KANSL1: variants seen among roughly 807,000 people sequenced by gnomAD.
KANSL1 encodes the protein KAT8 regulatory NSL complex subunit 1.
A neutral mutation model predicts 103.6 loss-of-function variants in KANSL1; 22 were observed. The observed-to-expected ratio is 0.21, with a 90% confidence interval of 0.15 to 0.30. The LOEUF (loss-of-function observed/expected upper bound fraction) is 0.30, where lower values mean the gene tolerates loss of function less well. Among genes scored for constraint, KANSL1 ranks in the 10% least tolerant of loss-of-function variants. The probability of loss-of-function intolerance (pLI) is 1.00; values close to 1 mark genes in which losing one functional copy is unlikely to be tolerated. For synonymous variants in KANSL1, 600 were observed against 527.6 expected (o/e 1.14, Z -1.88); for missense variants, 1,337 against 1,399.8 (o/e 0.96, Z 0.72).
At chr17:46,092,733 G>GGGGGT (rs2079455533) in intron 3 of KANSL1, 2 of 53,836 alleles carry the variant, frequency 3.7e-5, no homozygotes, top group Non-Finnish European at 7.0e-5. Flanking sequence ...GGGGGGGAGG[G>GGGGGT]TGGGTGTCTT....
intron 1 of KANSL1, among the ~76,000 whole-genome samples, chr17:46,211,388 C>T (rs185002862): frequency 6.6e-6 from 1 of 152,178 alleles, no homozygotes; most frequent in African/African-American, 2.4e-5. Context: ...AGCTGATGAG[C>T]TAAAAAAGAA....
intron 1 of KANSL1, among the ~76,000 whole-genome samples, chr17:46,185,574 T>C (rs1294553765): frequency 1.3e-5 from 2 of 151,994 alleles, no homozygotes; most frequent in East Asian, 1.9e-4. Context: ...GTATACACAA[T>C]GCTTTCACTG....
intron 2 of KANSL1, among the ~76,000 whole-genome samples, chr17:46,134,052 G>C (rs1411322882): frequency 1.3e-5 from 2 of 152,182 alleles, no homozygotes; most frequent in African/African-American, 4.8e-5. Flanking sequence ...GGATGGAAGG[G>C]TACAGTGGAA....
At chr17:46,177,939 A>G in intron 1 of KANSL1, among the ~76,000 whole-genome samples, 1 of 152,140 alleles carries the variant, frequency 6.6e-6, no homozygotes. Context: ...CACCACGCCC[A>G]GCTAGTTTTT....
intron 2 of KANSL1, among the ~76,000 whole-genome samples, chr17:46,169,090 T>A (rs889090182): frequency 2.0e-5 from 3 of 152,236 alleles, no homozygotes; most frequent in African/African-American, 4.8e-5. Flanking sequence ...TGCATGCAAT[T>A]TAAAATCCTT....
intron 3 of KANSL1, among the ~76,000 whole-genome samples, chr17:46,085,610 C>G (rs1306332845): frequency 6.6e-6 from 1 of 152,164 alleles, no homozygotes; most frequent in Non-Finnish European, 1.5e-5. Flanking sequence ...CCACCTCAAC[C>G]CCATAAATAG....
chr17:46,065,256 A>G (rs749644040), intron 6 of KANSL1, among the ~76,000 whole-genome samples: 22 of 152,016 alleles, frequency 1.4e-4, no homozygotes, highest in Admixed American at 8.5e-4. Context: ...GGTATGAGCC[A>G]CTGTGCCTAG....
intron 1 of KANSL1, among the ~76,000 whole-genome samples, chr17:46,207,279 A>G (rs1410039127): frequency 2.0e-5 from 3 of 152,194 alleles, no homozygotes; most frequent in Non-Finnish European, 4.4e-5. Flanking sequence ...TGGGAGTCCA[A>G]GGCGGGTGGA....
intron 1 of KANSL1, among the ~76,000 whole-genome samples, chr17:46,174,601 T>C (rs1340695943): frequency 6.6e-6 from 1 of 152,258 alleles, no homozygotes. Flanking sequence ...CATAACCCAG[T>C]GAACGATAAA....
intron 2 of KANSL1, among the ~76,000 whole-genome samples, chr17:46,112,724 A>ATTTTTATTTATTTTATT (rs751551949): frequency 0.14 from 19,743 of 145,070 alleles, 1,891 homozygotes; most frequent in Non-Finnish European, 0.21. Context: ...GGGCAGATAA[A>ATTTTTATTTATTTTATT]TTTTTTTTTT....
At chr17:46,214,453 C>T (rs1413165246) in intron 1 of KANSL1, among the ~76,000 whole-genome samples, 3 of 152,112 alleles carry the variant, frequency 2.0e-5, no homozygotes, top group African/African-American at 7.2e-5. Context: ...CAGGAGTTCG[C>T]AACCAGCCTG....
At chr17:46,104,481 A>G (rs2042447557) in intron 2 of KANSL1, among the ~76,000 whole-genome samples, 1 of 152,334 alleles carries the variant, frequency 6.6e-6, no homozygotes, top group South Asian at 2.1e-4. Flanking sequence ...TGTCATATAT[A>G]TAACTGGTCT....
chr17:46,145,322 CCTTT>C (rs1242015463), intron 2 of KANSL1, among the ~76,000 whole-genome samples: 3 of 152,218 alleles, frequency 2.0e-5, no homozygotes, highest in Admixed American at 1.3e-4. Flanking sequence ...ACCTCCTGGC[CCTTT>C]CTATTTCATA....
intron 2 of KANSL1, among the ~76,000 whole-genome samples, chr17:46,103,560 T>G (rs1302342597): frequency 6.6e-6 from 1 of 152,238 alleles, no homozygotes; most frequent in Non-Finnish European, 1.5e-5. Context: ...TCAAATAAGA[T>G]CCACACAATT....
At chr17:46,175,317 TGTG>T (rs2046469393) in intron 1 of KANSL1, among the ~76,000 whole-genome samples, 1 of 42,978 alleles carries the variant, frequency 2.3e-5, no homozygotes, top group Admixed American at 2.4e-4. Flanking sequence ...TTGCTGTGTG[TGTG>T]TGTGTGTGTG....
chr17:46,187,037 T>G (rs2147880042), intron 1 of KANSL1, among the ~76,000 whole-genome samples: 1 of 152,312 alleles, frequency 6.6e-6, no homozygotes, highest in Middle Eastern at 3.4e-3. Flanking sequence ...CAGCCCAGGC[T>G]GGTATTTCTA....
chr17:46,063,469 C>T (rs936850900), intron 6 of KANSL1, among the ~76,000 whole-genome samples: 2 of 152,152 alleles, frequency 1.3e-5, no homozygotes, highest in Non-Finnish European at 2.9e-5. Flanking sequence ...CCATGTGAGA[C>T]ACAGAAAGCA....
At chr17:46,201,255 T>C (rs566461825) in intron 1 of KANSL1, among the ~76,000 whole-genome samples, 102 of 152,234 alleles carry the variant, frequency 6.7e-4, no homozygotes, top group Admixed American at 1.2e-3. Context: ...TTCTTGAACT[T>C]GTTTCTATGT....
chr17:46,164,398 T>C (rs1488719322), intron 2 of KANSL1, among the ~76,000 whole-genome samples: 2 of 152,244 alleles, frequency 1.3e-5, no homozygotes, highest in Admixed American at 6.5e-5. Context: ...AAACACAAGT[T>C]CCTACTTCTG....
Sources: gnomAD v4.1 joint callset for allele counts (sites outside exome capture counted in the v4.1 genomes callset) on GRCh38, gnomAD v4.1.1 for gene constraint, MANE v1.5 for transcripts, NCBI Gene and HGNC (gene_info 2026-07-23, HGNC 2026-07-21) for gene names.